The following HECA variants were observed in gnomAD, a reference collection of about 807,000 sequenced individuals.
The protein encoded by HECA is headcase protein homolog.
A neutral mutation model predicts 37.6 loss-of-function variants in HECA; 13 were observed. That is an observed-to-expected ratio of 0.35 (90% CI 0.23 to 0.55). The LOEUF is 0.55. HECA is among the 20% of genes least tolerant of loss of function. HECA has a pLI of 0.90. For synonymous variants in HECA, 307 were observed against 291.5 expected, an observed-to-expected ratio of 1.05 and a Z score of -0.54; for missense variants, 527 against 701.9, an observed-to-expected ratio of 0.75 and a Z score of 2.82.
chr6:139,158,839 C>G (rs1349264319), intron 1 of HECA, among the ~76,000 whole-genome samples: 1 of 152,016 alleles, frequency 6.6e-6, no homozygotes, highest in Non-Finnish European at 1.5e-5. Flanking sequence ...TTTGGGAGGC[C>G]AAGGTAGGCA....
intron 1 of HECA, among the ~76,000 whole-genome samples, chr6:139,157,122 TC>T (rs1774727278): frequency 6.6e-6 from 1 of 152,226 alleles, no homozygotes; most frequent in Non-Finnish European, 1.5e-5. Context: ...TATTCATGCC[TC>T]CCCTTTTTAG....
At chr6:139,145,457 T>C (rs1299147986) in intron 1 of HECA, among the ~76,000 whole-genome samples, 1 of 152,220 alleles carries the variant, frequency 6.6e-6, no homozygotes, top group Non-Finnish European at 1.5e-5. Flanking sequence ...AAAAGGAAGA[T>C]GAAGTGTTCA....
rs185576992 is a variant in HECA, at chr6:139,166,195, A to G, written c.272-89A>G. 7.0e-5 allele frequency: 74 copies of G among 1,057,076 alleles called. 2 individuals are homozygous for G. In the African/African-American group the frequency reaches 1.0e-3, roughly 15 times the overall value. 65.5% of individuals were successfully genotyped at this position (1,057,076 alleles called of 1,614,324 possible). On this transcript the variant is annotated intron_variant, in intron 1 of 3. Transcript: ENST00000367658. ...GCCTTTCATTATATTCATGTCTTAG[A>G]AAAACCTTATACCATACTGTTGCAA...
At chr6:139,172,380 C>T (rs920969737) in intron 2 of HECA, among the ~76,000 whole-genome samples, 3 of 152,166 alleles carry the variant, frequency 2.0e-5, no homozygotes, top group African/African-American at 7.2e-5. Flanking sequence ...TGTTCAGTGG[C>T]CCTTTCTGGA....
At position 139,150,854 on chromosome 6, in the gene HECA, C is replaced by A. The variant is rs150222872; in HGVS notation, c.271+15187C>A. On this transcript the variant is annotated intron_variant, in intron 1 of 3. Transcript: ENST00000367658. ...TTAAACTATCAATAGGAGTCTGTAA[C>A]TCTAAGTTTACTTAATTTTCCTTAG... Among the ~76,000 whole-genome samples, 610 of 152,226 alleles carry A rather than the reference C, an allele frequency of 4.0e-3. 2 individuals carry two copies. Among genetic ancestry groups the A allele is most frequent in the Middle Eastern group, 0.014 (4 of 294 alleles).
intron 1 of HECA, among the ~76,000 whole-genome samples, chr6:139,158,644 G>A (rs898521414): frequency 1.4e-5 from 2 of 146,632 alleles, no homozygotes; most frequent in African/African-American, 2.6e-5. Flanking sequence ...GTACTCCGGT[G>A]TGAGCAACAG....
Position 139,135,305 on chromosome 6 carries a change from C to G in HECA, c.-92C>G. 1 of 1,053,664 alleles carries G rather than the reference C, an allele frequency of 9.5e-7. No individual in the cohort carries two copies. The highest frequency in any genetic ancestry group is 1.2e-6 in the Non-Finnish European group (1 of 842,020). 65.3% of individuals were successfully genotyped at this position (1,053,664 alleles called of 1,614,324 possible). On this transcript the variant is annotated 5_prime_UTR_variant, in exon 1 of 4. Coordinates refer to ENST00000367658, the MANE Select transcript of HECA (RefSeq NM_016217.3). The stretch of plus-strand genomic sequence containing the variant: ...CCGGCTCGCGCCCTCCGTTCTTTCC[C>G]GGAGCCGGCTTCACGCAGGGCCGGG...
In HECA at chr6:139,166,418, GA is replaced by G; in HGVS notation, c.407del (p.Glu136GlyfsTer50). 1 of 1,614,224 alleles carries G rather than the reference GA, an allele frequency of 6.2e-7. No homozygotes were observed. The highest frequency in any genetic ancestry group is 1.1e-5 in the South Asian group (1 of 91,084). The part of the protein sequence containing the change: ...STWMHLQCFY[E>X]WESSILVQFN... ...CTGGATGCACCTGCAGTGCTTCTACGAGTGGGAGAGCAGCATCCTCGTCCAG... is the reference window on the plus strand; with the variant it reads ...CTGGATGCACCTGCAGTGCTTCTACGGTGGGAGAGCAGCATCCTCGTCCAG... On this transcript the variant is annotated frameshift_variant, in exon 2 of 4. Transcript: ENST00000367658. LOFTEE classifies it high-confidence loss of function.
At chr6:139,163,311 G>A (rs1562247158) in intron 1 of HECA, among the ~76,000 whole-genome samples, 1 of 151,594 alleles carries the variant, frequency 6.6e-6, no homozygotes, top group Non-Finnish European at 1.5e-5. Context: ...GAGAAGCACC[G>A]ATGTTACCTG....
At chr6:139,151,612 A>T (rs574676005) in intron 1 of HECA, among the ~76,000 whole-genome samples, 1 of 152,310 alleles carries the variant, frequency 6.6e-6, no homozygotes, top group Non-Finnish European at 1.5e-5. Context: ...CTTTCTTGTC[A>T]TTATTTTTAA....
intron 1 of HECA, among the ~76,000 whole-genome samples, chr6:139,148,715 G>A (rs1039579254): frequency 6.6e-6 from 1 of 151,950 alleles, no homozygotes; most frequent in Non-Finnish European, 1.5e-5. Flanking sequence ...GCAGTGAGCT[G>A]AGATCATGCC....
intron 2 of HECA, among the ~76,000 whole-genome samples, chr6:139,171,141 A>T (rs950115341): frequency 6.6e-6 from 1 of 152,148 alleles, no homozygotes; most frequent in African/African-American, 2.4e-5. Context: ...AACATGGTTA[A>T]AAATAAGCAT....
chr6:139,145,015 A>G (rs1013231544), intron 1 of HECA, among the ~76,000 whole-genome samples: 1 of 152,176 alleles, frequency 6.6e-6, no homozygotes, highest in African/African-American at 2.4e-5. Flanking sequence ...GCTTGTCCCT[A>G]TGGTTTATTT....
At chr6:139,155,287 A>C (rs1299430922) in intron 1 of HECA, among the ~76,000 whole-genome samples, 1 of 152,254 alleles carries the variant, frequency 6.6e-6, no homozygotes, top group Non-Finnish European at 1.5e-5. Flanking sequence ...AGTGGTACAC[A>C]CATGTAGGCC....
At chr6:139,166,219 A>G in intron 1 of HECA, 65 bp from the exon 2 acceptor site, 4 of 1,272,924 alleles carry the variant, frequency 3.1e-6, no homozygotes. Flanking sequence ...ATACTGTTGC[A>G]AGTACAGGTT....
At position 139,176,563 on chromosome 6, in the gene HECA, G is replaced by A. The variant is rs909506914; in HGVS notation, c.1468-378G>A. Among the ~76,000 whole-genome samples, 13 of 152,114 alleles carry A rather than the reference G, an allele frequency of 8.5e-5. No individual in the cohort carries two copies. The highest frequency in any genetic ancestry group is 2.1e-4 in the South Asian group (1 of 4,822). On this transcript the variant is annotated intron_variant, in intron 3 of 3. Coordinates refer to ENST00000367658, the MANE Select transcript of HECA (RefSeq NM_016217.3). The surrounding 1 kb of genome is among the most constrained non-coding windows in gnomAD (Gnocchi z 4.5). Reference sequence around the variant, plus strand: ...ATTTTATTTTTACATCAAAGAAAACGCAACTTTTCTATAGAGTAGAATGAA... The same window carrying A: ...ATTTTATTTTTACATCAAAGAAAACACAACTTTTCTATAGAGTAGAATGAA...
At position 139,174,678 on chromosome 6, in the gene HECA, A is replaced by G. The variant is rs138043009; in HGVS notation, c.1467+139A>G. 2,788 of 1,230,616 alleles carry G rather than the reference A, an allele frequency of 2.3e-3. 60 individuals carry two copies. In the African/African-American group the frequency reaches 0.038, roughly 17 times the overall value. The allele number at this position is 1,230,616 out of a possible 1,614,324, so 76.2% of individuals were successfully genotyped here. ...CTGAGTTACTACTTGTAATGTAGTCATTTAGTGGAATACTATTCAGTCATT... is the reference window on the plus strand; with the variant it reads ...CTGAGTTACTACTTGTAATGTAGTCGTTTAGTGGAATACTATTCAGTCATT... On this transcript the variant is annotated intron_variant, in intron 3 of 3. Coordinates refer to ENST00000367658, the MANE Select transcript of HECA (RefSeq NM_016217.3).
chr6:139,170,730 AG>A (rs1562249690), intron 2 of HECA, among the ~76,000 whole-genome samples: 1 of 152,186 alleles, frequency 6.6e-6, no homozygotes, highest in Non-Finnish European at 1.5e-5. Context: ...GCCATAATAA[AG>A]AACTTTGCTA....
At chr6:139,148,635 G>T (rs1275650036) in intron 1 of HECA, among the ~76,000 whole-genome samples, 1 of 152,068 alleles carries the variant, frequency 6.6e-6, no homozygotes, top group African/African-American at 2.4e-5. Flanking sequence ...GCATGGTGGC[G>T]CATGCCTCTT....
Sources: gnomAD v4.1 joint callset for allele counts (sites outside exome capture counted in the v4.1 genomes callset) on GRCh38, gnomAD v4.1.1 for gene constraint, Gnocchi (gnomAD v3.1) non-coding constraint, MANE v1.5 for transcripts, NCBI Gene and HGNC (gene_info 2026-07-23, HGNC 2026-07-21) for gene names.